Variants in DGKB observed in about 807,000 individuals in gnomAD.
DGKB encodes the protein diacylglycerol kinase beta, also known as 90 kDa diacylglycerol kinase.
DGKB carries 67 observed loss-of-function variants against 114.3 expected under a neutral mutation model. The ratio of observed to expected loss-of-function variants is 0.59; its 90% CI spans 0.48 to 0.72. The LOEUF (loss-of-function observed/expected upper bound fraction) is 0.72, where lower values mean the gene tolerates loss of function less well. Among genes scored for constraint, DGKB ranks in the 30% least tolerant of loss-of-function variants. DGKB has a pLI of 0.00. For synonymous variants in DGKB, 398 were observed against 323.1 expected, an observed-to-expected ratio of 1.23 and a Z score of -2.49; for missense variants, 907 against 975.2, an observed-to-expected ratio of 0.93 and a Z score of 0.93.
At chr7:14,750,226 A>G (rs764080652) in intron 4 of DGKB, 1 of 496,034 alleles carries the variant, frequency 2.0e-6, no homozygotes, top group Admixed American at 2.1e-5. Context: ...ATAATTTTCT[A>G]AACAGATTTT....
chr7:14,663,088 A>G (rs539003128), intron 13 of DGKB, among the ~76,000 whole-genome samples: 1 of 152,156 alleles, frequency 6.6e-6, no homozygotes, highest in African/African-American at 2.4e-5. Flanking sequence ...AGCTCGCTTC[A>G]TATCACAAAA....
chr7:14,972,839 G>C (rs35847458), intron 1 of DGKB, among the ~76,000 whole-genome samples: 6,498 of 152,124 alleles, frequency 0.043, 147 homozygotes, highest in Middle Eastern at 0.054. Flanking sequence ...AGAATATGCA[G>C]ATACTTATCT....
At chr7:14,872,090 T>C (rs1852556190) in intron 1 of DGKB, among the ~76,000 whole-genome samples, 1 of 152,138 alleles carries the variant, frequency 6.6e-6, no homozygotes, top group African/African-American at 2.4e-5. Flanking sequence ...TAAAAATAAA[T>C]ATGAATTTTT....
At chr7:14,317,629 T>C (rs1039291095) in intron 23 of DGKB, among the ~76,000 whole-genome samples, 8 of 125,854 alleles carry the variant, frequency 6.4e-5, no homozygotes, top group African/African-American at 1.5e-4. Context: ...CTCAAGGAAA[T>C]AAAAGAGGAT....
chr7:14,907,236 C>T (rs935704859), upstream of DGKB, among the ~76,000 whole-genome samples: 1 of 152,158 alleles, frequency 6.6e-6, no homozygotes, highest in African/African-American at 2.4e-5. Context: ...TCCAATTCTC[C>T]TCTTTTACAG....
intron 13 of DGKB, among the ~76,000 whole-genome samples, chr7:14,660,392 T>A (rs906732749): frequency 7.2e-5 from 11 of 152,006 alleles, no homozygotes; most frequent in African/African-American, 2.7e-4. Context: ...AAGCTATTGA[T>A]TATTGCCACA....
chr7:14,775,562 G>A (rs571886574), intron 2 of DGKB, among the ~76,000 whole-genome samples: 76 of 151,928 alleles, frequency 5.0e-4, no homozygotes, highest in African/African-American at 1.3e-3. Flanking sequence ...TTGAATCATC[G>A]AGATGGTTAC....
chr7:14,894,016 T>C (rs1781715458), intron 1 of DGKB, among the ~76,000 whole-genome samples: 1 of 151,258 alleles, frequency 6.6e-6, no homozygotes, highest in Non-Finnish European at 1.5e-5. Context: ...TAAGTGAACA[T>C]TTAAATGCCA....
chr7:14,148,799 T>C lies in DGKB; in HGVS notation c.*332A>G, dbSNP rs73063812. On this transcript the variant is annotated 3_prime_UTR_variant, in exon 26 of 26. Coordinates refer to ENST00000402815, the MANE Select transcript of DGKB (RefSeq NM_001350709.2). ...CACGTTTCCCATGGTATTTCCTTTT[T>C]CATGTTTCACGGGTTTTTCTCACAG... 17,073 of 340,262 alleles carry C rather than the reference T, an allele frequency of 0.05. 518 individuals carry two copies. Among genetic ancestry groups the C allele is most frequent in the African/African-American group, 0.066 (3,012 of 45,508 alleles). 21.1% of individuals were successfully genotyped at this position (340,262 alleles called of 1,614,324 possible). A position where few individuals can be genotyped will look rare whatever the true frequency, so the allele number is the denominator to read the frequency against.
intron 21 of DGKB, among the ~76,000 whole-genome samples, chr7:14,371,434 TA>T (rs1817630228): frequency 6.6e-6 from 1 of 152,122 alleles, no homozygotes; most frequent in African/African-American, 2.4e-5. Context: ...TGATGTTGAG[TA>T]ATTTTTCATG....
chr7:14,287,611 T>G (rs546214349), intron 23 of DGKB, among the ~76,000 whole-genome samples: 1 of 152,130 alleles, frequency 6.6e-6, no homozygotes, highest in Non-Finnish European at 1.5e-5. Flanking sequence ...GTATCTGTGG[T>G]TAATGTGATA....
At position 14,505,434 on chromosome 7, in the gene DGKB, AC is replaced by A. The variant is rs144942708; in HGVS notation, c.1771-27210del. ...GTGCCACTGCAGCCCAGTCTGGGAG[AC>A]AGAGTGAGACTCCGTCTCGAAAAAA... On this transcript the variant is annotated intron_variant, in intron 20 of 25. Coordinates refer to ENST00000402815, the MANE Select transcript of DGKB (RefSeq NM_001350709.2). Among the ~76,000 whole-genome samples the A allele has an allele frequency of 2.5e-3, 376 of 151,948 alleles. 1 individual carries two copies. The highest frequency in any genetic ancestry group is 8.6e-3 in the African/African-American group (355 of 41,468).
Position 14,651,267 on chromosome 7 carries a change from G to A in DGKB, c.1135-20999C>T, listed in dbSNP as rs530765975. ...ATCCTCAATAAAATACTGGCAAACC[G>A]AATCCAGCAGCACATCAAAAAGCTT... On this transcript the variant is annotated intron_variant, in intron 13 of 25. Coordinates refer to ENST00000402815, the MANE Select transcript of DGKB (RefSeq NM_001350709.2). Among the ~76,000 whole-genome samples the A allele has an allele frequency of 5.9e-4, 89 of 152,110 alleles. 2 individuals are homozygous for A. The South Asian group carries it at 9.3e-3, about 16-fold the overall frequency.
intron 4 of DGKB, among the ~76,000 whole-genome samples, chr7:14,751,658 G>A (rs1362820546): frequency 6.6e-6 from 1 of 152,162 alleles, no homozygotes; most frequent in South Asian, 2.1e-4. Flanking sequence ...TATCAGAACA[G>A]CACTCAGGAT....
At chr7:14,204,400 C>G (rs182625695) in intron 23 of DGKB, among the ~76,000 whole-genome samples, 1 of 152,090 alleles carries the variant, frequency 6.6e-6, no homozygotes, top group Admixed American at 6.6e-5. Context: ...GCTTGGTGAG[C>G]TGACACATTT....
chr7:14,478,013 C>A, intron 21 of DGKB, 148 bp downstream of exon 21: 2 of 421,670 alleles, frequency 4.7e-6, no homozygotes, highest in South Asian at 8.8e-5. Context: ...TTTATCCTAC[C>A]ATCTTAATAT....
chr7:14,492,853 C>A (rs1270015458), intron 20 of DGKB, among the ~76,000 whole-genome samples: 1 of 152,032 alleles, frequency 6.6e-6, no homozygotes. Context: ...AAGGGTTAAA[C>A]TTTAATGGAT....
intron 21 of DGKB, among the ~76,000 whole-genome samples, chr7:14,426,282 T>C (rs1316923376): frequency 6.6e-6 from 1 of 152,122 alleles, no homozygotes; most frequent in Non-Finnish European, 1.5e-5. Context: ...AAGGATAAGA[T>C]TGGACTTAGA....
chr7:14,198,241 C>G (rs578152952), intron 23 of DGKB, among the ~76,000 whole-genome samples: 1 of 152,090 alleles, frequency 6.6e-6, no homozygotes, highest in African/African-American at 2.4e-5. Context: ...AAGCAGAGGT[C>G]TAGGGAAAAC....
Sources: gnomAD v4.1 joint callset for allele counts (sites outside exome capture counted in the v4.1 genomes callset) on GRCh38, gnomAD v4.1.1 for gene constraint, MANE v1.5 for transcripts, NCBI Gene and HGNC (gene_info 2026-07-23, HGNC 2026-07-21) for gene names.